The following CGNL1 variants were observed in gnomAD, a reference collection of about 807,000 sequenced individuals.
CGNL1 encodes cingulin-like protein 1.
Under a neutral mutation model 141.2 loss-of-function variants are expected in CGNL1, and 132 were observed. The observed-to-expected ratio is 0.93, with a 90% CI of 0.81 to 1.08. The LOEUF (loss-of-function observed/expected upper bound fraction) is 1.08. CGNL1 is among the 50% of genes least tolerant of loss of function. CGNL1 has a pLI of 0.00. For synonymous variants in CGNL1, 690 were observed against 622.1 expected, an observed-to-expected ratio of 1.11 and a Z score of -1.63; for missense variants, 1,870 against 1,588.6, an observed-to-expected ratio of 1.18 and a Z score of -3.01.
At chr15:57,431,327 C>G (rs1055321124) in intron 1 of CGNL1, among the ~76,000 whole-genome samples, 6 of 152,318 alleles carry the variant, frequency 3.9e-5, no homozygotes, top group Admixed American at 6.5e-5. Context: ...GAAGGGTTGA[C>G]TGTATACAAA....
chr15:57,436,395 A>G (rs1313486028), intron 1 of CGNL1, among the ~76,000 whole-genome samples: 1 of 152,246 alleles, frequency 6.6e-6, no homozygotes, highest in African/African-American at 2.4e-5. Context: ...TGGATCAGCT[A>G]TCTTGTAATC....
In CGNL1 at chr15:57,488,134, G is replaced by A. The variant is rs116443112; in HGVS notation, c.2403+26242G>A. ...TGGTATTTCATCGTGGCTTTGATTTGCATTTCTCTGATAACTAATGATATC... is the reference window on the plus strand; with the variant it reads ...TGGTATTTCATCGTGGCTTTGATTTACATTTCTCTGATAACTAATGATATC... On this transcript the variant is annotated intron_variant, in intron 8 of 18. Coordinates refer to ENST00000281282, the MANE Select transcript of CGNL1 (RefSeq NM_032866.5). Among the ~76,000 whole-genome samples, 1,188 of 152,174 alleles carry A rather than the reference G, an allele frequency of 7.8e-3. 17 individuals are homozygous for A. The highest frequency in any genetic ancestry group is 0.027 in the African/African-American group (1,109 of 41,522).
At chr15:57,423,400 G>A (rs1472582506) in intron 1 of CGNL1, among the ~76,000 whole-genome samples, 3 of 151,972 alleles carry the variant, frequency 2.0e-5, no homozygotes, top group Non-Finnish European at 4.4e-5. Context: ...TGGGCTGAAG[G>A]GGAAGAGTGT....
At chr15:57,526,611 A>G (rs1334650111) in intron 12 of CGNL1, among the ~76,000 whole-genome samples, 2 of 152,162 alleles carry the variant, frequency 1.3e-5, no homozygotes, top group Non-Finnish European at 2.9e-5. Flanking sequence ...ATCGAGACTT[A>G]GTGATTACCA....
chr15:57,481,432 A>G (rs2063725156), intron 8 of CGNL1, among the ~76,000 whole-genome samples: 1 of 152,168 alleles, frequency 6.6e-6, no homozygotes, highest in South Asian at 2.1e-4. Context: ...AGATGGAATC[A>G]TACAGAATGT....
In CGNL1 at chr15:57,435,407, G is replaced by GGT. The variant is rs1291475942; in HGVS notation, c.-15-2578_-15-2577insGT. On this transcript the variant is annotated intron_variant, in intron 1 of 18. Transcript: ENST00000281282. ...TAGAAGAAATAGCTGAAATTTGCAG[G>GGT]TTTTTTTGTTTTTTTTTTTTTCCTC... is the stretch of plus-strand genomic sequence containing the variant. 5.9e-3 allele frequency among the ~76,000 whole-genome samples: 574 copies of GGT among 96,908 alleles called. 6 individuals carry two copies. Among genetic ancestry groups the GGT allele is most frequent in the African/African-American group, 0.02 (530 of 27,066 alleles). The allele number at this position is 96,908 out of a possible 152,430, so 63.6% of individuals were successfully genotyped here.
At chr15:57,538,454 G>C (rs2032381774) in intron 14 of CGNL1, among the ~76,000 whole-genome samples, 1 of 150,666 alleles carries the variant, frequency 6.6e-6, no homozygotes, top group Middle Eastern at 3.2e-3. Context: ...TATGGTGGGG[G>C]ATAAATAATT....
chr15:57,451,726 A>G, intron 5 of CGNL1, 125 bp downstream of exon 5: 1 of 679,570 alleles, frequency 1.5e-6, no homozygotes, highest in South Asian at 2.0e-5. Flanking sequence ...ACATTCCTCT[A>G]ATCACTGAAT....
intron 7 of CGNL1, among the ~76,000 whole-genome samples, chr15:57,458,559 A>C (rs189390396): frequency 4.6e-5 from 7 of 152,354 alleles, no homozygotes; most frequent in African/African-American, 1.7e-4. Flanking sequence ...GCTGGAAAAC[A>C]TAAGTGTGGG....
chr15:57,541,016 G>T (rs1409981772), intron 14 of CGNL1, among the ~76,000 whole-genome samples: 2 of 152,236 alleles, frequency 1.3e-5, no homozygotes, highest in South Asian at 2.1e-4. Flanking sequence ...GGCTTCCTCA[G>T]AAGGGTGCCA....
rs11071327 is a variant in CGNL1, at chr15:57,520,550, G to A, written c.2715+2053G>A. Among the ~76,000 whole-genome samples the A allele has an allele frequency of 1.6e-4, 24 of 152,308 alleles. No homozygotes were observed. The East Asian group carries it at 4.0e-3, about 26-fold the overall frequency. On this transcript the variant is annotated intron_variant, in intron 10 of 18. Transcript: ENST00000281282. ...TTCTTGGTTAGCTCAATGCCCTACCGCTTGCTTCAGGACTGTGTTGCTGTC... is the reference window on the plus strand; with the variant it reads ...TTCTTGGTTAGCTCAATGCCCTACCACTTGCTTCAGGACTGTGTTGCTGTC...
chr15:57,481,063 GGTTTTTT>G (rs1283922358), intron 8 of CGNL1, among the ~76,000 whole-genome samples: 14 of 105,074 alleles, frequency 1.3e-4, no homozygotes, highest in African/African-American at 5.1e-4. Flanking sequence ...AAAGACCTGG[GGTTTTTT>G]TTTTTTTTTT....
chr15:57,443,688 C>A (rs568647851), intron 4 of CGNL1, among the ~76,000 whole-genome samples: 2 of 152,314 alleles, frequency 1.3e-5, no homozygotes, highest in Admixed American at 1.3e-4. Flanking sequence ...GCGTATTACA[C>A]CATAGTCCTT....
rs2063148509 is a variant in CGNL1 at position 57,439,088 on chromosome 15, AC to A, written c.1091del (p.Pro364LeufsTer41). On this transcript the variant is annotated frameshift_variant, in exon 2 of 19. Transcript: ENST00000281282. LOFTEE classifies it high-confidence loss of function. Reference sequence around the variant, plus strand: ...AGTTAATTGAAAAATTTGATCAAAAACCTGGGCTTCAGAGAAGAGGAAGGTC... The same window carrying A: ...AGTTAATTGAAAAATTTGATCAAAAACTGGGCTTCAGAGAAGAGGAAGGTC... The part of the protein sequence containing the change: ...DQLIEKFDQK[P>X]GLQRRGRSGK... The A allele has an allele frequency of 6.2e-7, 1 of 1,614,200 alleles. No homozygotes were observed. The highest frequency in any genetic ancestry group is 1.1e-5 in the South Asian group (1 of 91,078).
chr15:57,451,732 T>C, intron 5 of CGNL1, 131 bp downstream of exon 5: 1 of 673,970 alleles, frequency 1.5e-6, no homozygotes, highest in Non-Finnish European at 2.5e-6. Context: ...CTCTAATCAC[T>C]GAATAAATTC....
chr15:57,469,697 G>A (rs565596794), intron 8 of CGNL1, among the ~76,000 whole-genome samples: 1 of 151,050 alleles, frequency 6.6e-6, no homozygotes, highest in Non-Finnish European at 1.5e-5. Flanking sequence ...ATTCAATAAT[G>A]TTGAAACTTT....
chr15:57,473,475 C>T (rs749344591), intron 8 of CGNL1, among the ~76,000 whole-genome samples: 11 of 152,194 alleles, frequency 7.2e-5, no homozygotes, highest in South Asian at 4.1e-4. Context: ...TACAGTAGCC[C>T]GTTGGCCCCC....
intron 1 of CGNL1, among the ~76,000 whole-genome samples, chr15:57,399,922 T>G (rs1342139552): frequency 6.6e-6 from 1 of 152,128 alleles, no homozygotes; most frequent in East Asian, 1.9e-4. Flanking sequence ...CTTGGAGATA[T>G]CCTTAGAGGC....
Position 57,523,524 on chromosome 15 carries a change from G to C in CGNL1, c.2751G>C (p.Gln917His). The C allele has an allele frequency of 6.2e-7, 1 of 1,614,232 alleles. No homozygotes were observed. Among genetic ancestry groups the C allele is most frequent in the Non-Finnish European group, 8.5e-7 (1 of 1,180,030 alleles). ...NLSQTTQEQKQLSEKLKEESE... is the reference protein window; with the variant it reads ...NLSQTTQEQKHLSEKLKEESE... The stretch of plus-strand genomic sequence containing the variant: ...GTCAGACTACCCAGGAGCAGAAGCA[G>C]TTGTCTGAGAAGCTCAAAGAGGAGA... The change falls in exon 11 of 19, where the codon CAG becomes CAC. Residue 917 changes from glutamine (Q) to histidine (H), a missense_variant. Coordinates refer to ENST00000281282, the MANE Select transcript of CGNL1 (RefSeq NM_032866.5).
Sources: allele counts gnomAD v4.1 joint callset (sites outside exome capture counted in the v4.1 genomes callset), GRCh38; gene constraint gnomAD v4.1.1; transcripts MANE v1.5; gene names NCBI Gene and HGNC (gene_info 2026-07-23, HGNC 2026-07-21).